The following CSMD1 variants were observed in gnomAD, a reference collection of about 807,000 sequenced individuals.
CSMD1 encodes CUB and Sushi multiple domains 1.
A neutral mutation model predicts 417.5 loss-of-function variants in CSMD1; 213 were observed. The ratio of observed to expected loss-of-function variants is 0.51; its 90% CI spans 0.46 to 0.57. The LOEUF (loss-of-function observed/expected upper bound fraction) is 0.57, where lower values mean the gene tolerates loss of function less well. CSMD1 is among the 20% of genes least tolerant of loss of function. The pLI is 0.00. For synonymous variants in CSMD1, 2,862 were observed against 1,736.8 expected (o/e 1.65, Z -16.11); for missense variants, 6,923 against 4,529.7 (o/e 1.53, Z -15.17).
chr8:4,807,529 C>A (rs1041081767), intron 1 of CSMD1, among the ~76,000 whole-genome samples: 1 of 152,134 alleles, frequency 6.6e-6, no homozygotes. Context: ...AACCAGAGAG[C>A]AGGACACCAG....
intron 1 of CSMD1, among the ~76,000 whole-genome samples, chr8:4,960,319 G>C (rs949225155): frequency 6.6e-6 from 1 of 152,194 alleles, no homozygotes; most frequent in African/African-American, 2.4e-5. Flanking sequence ...AGACAAGTGT[G>C]TTTAATGTTC....
chr8:3,595,896 G>T (rs1563184034), intron 8 of CSMD1, among the ~76,000 whole-genome samples: 2 of 152,164 alleles, frequency 1.3e-5, no homozygotes, highest in Admixed American at 6.5e-5. Flanking sequence ...AGGACTGTGG[G>T]GAATCATGGC....
chr8:4,141,092 T>C (rs1371613705), intron 3 of CSMD1, among the ~76,000 whole-genome samples: 1 of 151,240 alleles, frequency 6.6e-6, no homozygotes, highest in Admixed American at 6.6e-5. Flanking sequence ...AAACTTCCCA[T>C]TTTCAGATCT....
At chr8:3,458,048 C>T (rs999688665) in intron 12 of CSMD1, among the ~76,000 whole-genome samples, 11 of 152,186 alleles carry the variant, frequency 7.2e-5, no homozygotes, top group African/African-American at 2.7e-4. Context: ...TTACCTGAGA[C>T]TAAAATACAG....
intron 1 of CSMD1, among the ~76,000 whole-genome samples, chr8:4,767,214 G>A (rs1021788918): frequency 3.9e-5 from 6 of 152,162 alleles, no homozygotes; most frequent in African/African-American, 1.2e-4. Context: ...ATAATTTGCA[G>A]ATGTACACTG....
At chr8:4,141,268 G>A (rs989181426) in intron 3 of CSMD1, among the ~76,000 whole-genome samples, 1 of 151,082 alleles carries the variant, frequency 6.6e-6, no homozygotes, top group Non-Finnish European at 1.5e-5. Flanking sequence ...TGAAATTCCA[G>A]CGACCTTCAG....
rs1801644517 is a variant in CSMD1, at chr8:2,938,439, C to G, written c.*146G>C. 1 of 711,438 alleles carries G rather than the reference C, an allele frequency of 1.4e-6. No individual in the cohort carries two copies. Among genetic ancestry groups the G allele is most frequent in the African/African-American group, 1.8e-5 (1 of 55,390 alleles). The allele number at this position is 711,438 out of a possible 1,614,324, so 44.1% of individuals were successfully genotyped here. A position where few individuals can be genotyped will look rare whatever the true frequency, so the allele number is the denominator to read the frequency against. On this transcript the variant is annotated 3_prime_UTR_variant, in exon 70 of 70. Coordinates refer to ENST00000635120, the MANE Select transcript of CSMD1 (RefSeq NM_033225.6). The stretch of plus-strand genomic sequence containing the variant: ...GACCCTGACACATTTGAGTAGAGAT[C>G]CCCGCTGCACTTATGCCAGTAGACA...
At chr8:4,148,566 T>A (rs1031489761) in intron 3 of CSMD1, among the ~76,000 whole-genome samples, 1 of 151,992 alleles carries the variant, frequency 6.6e-6, no homozygotes, top group Admixed American at 6.6e-5. Flanking sequence ...GGCTGAGACA[T>A]TCAAGCTCTA....
intron 40 of CSMD1, among the ~76,000 whole-genome samples, chr8:3,143,787 T>C (rs1343296805): frequency 1.3e-5 from 2 of 152,164 alleles, no homozygotes; most frequent in African/African-American, 2.4e-5. Flanking sequence ...ATTTCCTAGA[T>C]TGGGAAAATT....
chr8:3,687,099 A>C (rs76150301), intron 7 of CSMD1, among the ~76,000 whole-genome samples: 2,854 of 152,340 alleles, frequency 0.019, 57 homozygotes, highest in South Asian at 0.082. Flanking sequence ...TGTCCAATAA[A>C]ATGCAGGATC....
At chr8:3,598,991 G>C (rs1277513717) in intron 8 of CSMD1, among the ~76,000 whole-genome samples, 2 of 152,136 alleles carry the variant, frequency 1.3e-5, no homozygotes, top group African/African-American at 4.8e-5. Flanking sequence ...TGAGAGAGGA[G>C]AATTCCGTGA....
Position 3,986,819 on chromosome 8 carries a change from G to A in CSMD1, c.818+11084C>T, listed in dbSNP as rs560234591. Among the ~76,000 whole-genome samples, 40 of 151,950 alleles carry A rather than the reference G, an allele frequency of 2.6e-4. No individual in the cohort carries two copies. The South Asian group carries it at 4.6e-3, about 17-fold the overall frequency. ...TGCCCAGGCTGGAATGCAGTGATGC[G>A]ATCTCGGCTCACTGCAATCTCTGCT... On this transcript the variant is annotated intron_variant, in intron 5 of 69. Transcript: ENST00000635120.
rs1554482398 is a variant in CSMD1 at position 3,597,422 on chromosome 8, T to TGATCAGATGATCA, written c.1098-11163_1098-11162insTGATCATCTGATC. ...TGGAATCCCAAATAAAGTAGGGAAC[T>TGATCAGATGATCA]ACTTTCAATGCAAGCCCCAAGACCT... On this transcript the variant is annotated intron_variant, in intron 8 of 69. Coordinates refer to ENST00000635120, the MANE Select transcript of CSMD1 (RefSeq NM_033225.6). 2.6e-5 allele frequency among the ~76,000 whole-genome samples: 4 copies of TGATCAGATGATCA among 151,892 alleles called. No homozygotes were observed. In the South Asian group the frequency reaches 6.2e-4, roughly 24 times the overall value.
chr8:4,463,546 CCAT>C (rs967825293), intron 2 of CSMD1, among the ~76,000 whole-genome samples: 11 of 152,056 alleles, frequency 7.2e-5, no homozygotes, highest in African/African-American at 2.4e-4. Flanking sequence ...TGGTCTATAT[CCAT>C]CATATTAAAT....
intron 54 of CSMD1, among the ~76,000 whole-genome samples, chr8:2,996,520 T>C (rs1296511558): frequency 6.6e-6 from 1 of 152,222 alleles, no homozygotes. Flanking sequence ...GTATCAGGCC[T>C]GTGCAGTAAA....
At chr8:3,691,871 G>A (rs1321439223) in intron 7 of CSMD1, among the ~76,000 whole-genome samples, 1 of 152,178 alleles carries the variant, frequency 6.6e-6, no homozygotes, top group African/African-American at 2.4e-5. Flanking sequence ...GGCAGAATTT[G>A]AATCTATGAC....
At chr8:4,791,514 C>A (rs904308865) in intron 1 of CSMD1, among the ~76,000 whole-genome samples, 25 of 152,130 alleles carry the variant, frequency 1.6e-4, no homozygotes, top group Admixed American at 5.2e-4. Context: ...ACAATCCAAT[C>A]CCCTAAAGTT....
intron 4 of CSMD1, among the ~76,000 whole-genome samples, chr8:4,001,246 G>C (rs1047393372): frequency 1.3e-5 from 2 of 152,130 alleles, no homozygotes; most frequent in Admixed American, 6.5e-5. Flanking sequence ...CAGTAACCTT[G>C]ACCAGAAGTG....
intron 5 of CSMD1, among the ~76,000 whole-genome samples, chr8:3,878,504 T>C (rs1358065023): frequency 1.3e-5 from 2 of 152,154 alleles, no homozygotes; most frequent in Non-Finnish European, 2.9e-5. Flanking sequence ...AAGCTAGCTT[T>C]TTAATATTTT....
Sources: allele counts gnomAD v4.1 joint callset (sites outside exome capture counted in the v4.1 genomes callset), GRCh38; gene constraint gnomAD v4.1.1; transcripts MANE v1.5; gene names NCBI Gene and HGNC (gene_info 2026-07-23, HGNC 2026-07-21).